PSD3: variants seen among roughly 807,000 people sequenced by gnomAD.
The protein encoded by PSD3 is pleckstrin and Sec7 domain containing 3.
In PSD3, 49 loss-of-function variants were observed where a neutral mutation model predicts 105.5. That is an observed-to-expected ratio of 0.46 (90% confidence interval 0.37 to 0.59). The LOEUF is 0.59. Ranked by LOEUF, PSD3 falls within the 20% of genes least tolerant of loss-of-function variation. The pLI is 0.00. For missense variants in PSD3, 1,561 were observed against 1,263.8 expected, an observed-to-expected ratio of 1.24 and a Z score of -3.57; for synonymous variants, 557 against 457.8, an observed-to-expected ratio of 1.22 and a Z score of -2.77.
intron 1 of PSD3, among the ~76,000 whole-genome samples, chr8:18,961,401 T>C (rs1057369008): frequency 1.3e-5 from 2 of 151,950 alleles, no homozygotes; most frequent in African/African-American, 4.8e-5. Flanking sequence ...AAAATAAATA[T>C]ATGCAGGCTG....
intron 14 of PSD3, among the ~76,000 whole-genome samples, chr8:18,558,699 T>C (rs1313092720): frequency 6.6e-6 from 1 of 152,096 alleles, no homozygotes; most frequent in African/African-American, 2.4e-5. Flanking sequence ...CACGTGCCTG[T>C]AATCCCAGTG....
At chr8:18,953,315 G>A in intron 1 of PSD3, among the ~76,000 whole-genome samples, 1 of 127,574 alleles carries the variant, frequency 7.8e-6, no homozygotes, top group East Asian at 2.2e-4. Context: ...GTGTGTGTAT[G>A]TTGTGTGTGT....
chr8:19,032,188 T>C (rs1827793425), intron 1 of PSD3, among the ~76,000 whole-genome samples: 1 of 152,212 alleles, frequency 6.6e-6, no homozygotes, highest in Non-Finnish European at 1.5e-5. Flanking sequence ...TTATTTTATA[T>C]AAAAGACATA....
intron 15 of PSD3, among the ~76,000 whole-genome samples, chr8:18,547,656 T>C (rs1800526930): frequency 6.6e-6 from 1 of 152,210 alleles, no homozygotes; most frequent in African/African-American, 2.4e-5. Context: ...GGGGCATAAG[T>C]GGCAGGTATG....
intron 2 of PSD3, among the ~76,000 whole-genome samples, chr8:18,874,218 G>A (rs946018971): frequency 2.0e-5 from 3 of 151,954 alleles, no homozygotes; most frequent in Non-Finnish European, 2.9e-5. Flanking sequence ...CTGGAGTGTA[G>A]TGGTACGATC....
chr8:18,595,639 A>G (rs893770158), intron 12 of PSD3, among the ~76,000 whole-genome samples: 2 of 152,118 alleles, frequency 1.3e-5, no homozygotes, highest in African/African-American at 4.8e-5. Context: ...CCATACTTAT[A>G]TTATACAAAA....
chr8:18,857,723 T>C (rs1816128798), intron 4 of PSD3, among the ~76,000 whole-genome samples: 1 of 152,146 alleles, frequency 6.6e-6, no homozygotes, highest in East Asian at 1.9e-4. Context: ...GATTCTAATG[T>C]AGTAGGTCAG....
In PSD3 at chr8:18,527,813, T is replaced by C. The variant is rs1423568986; in HGVS notation, c.*7930A>G. ...AACAGGTTTCCAGTACGTGTTATAGTACCGCCAGCTTACCCAAAACTGCTA... is the reference window on the plus strand; with the variant it reads ...AACAGGTTTCCAGTACGTGTTATAGCACCGCCAGCTTACCCAAAACTGCTA... On this transcript the variant is annotated 3_prime_UTR_variant, in exon 16 of 16. Coordinates refer to ENST00000327040, the MANE Select transcript of PSD3 (RefSeq NM_015310.4). The C allele has an allele frequency of 2.6e-5, 4 of 152,406 alleles. No homozygotes were observed. The highest frequency in any genetic ancestry group is 7.2e-5 in the African/African-American group (3 of 41,440). 9.4% of individuals were successfully genotyped at this position (152,406 alleles called of 1,614,324 possible).
intron 4 of PSD3, among the ~76,000 whole-genome samples, chr8:18,823,773 AACACACTC>A (rs764515861): frequency 0.056 from 7,488 of 134,720 alleles, 239 homozygotes; most frequent in South Asian, 0.16. Flanking sequence ...CTTTATCTTA[AACACACTC>A]ACACACACAC....
chr8:18,714,320 A>T (rs373054428), intron 9 of PSD3, among the ~76,000 whole-genome samples: 173 of 152,284 alleles, frequency 1.1e-3, no homozygotes, highest in African/African-American at 4.0e-3. Flanking sequence ...AGCAAAAGAA[A>T]CTATCATCAC....
intron 1 of PSD3, among the ~76,000 whole-genome samples, chr8:19,077,700 A>G (rs1829503414): frequency 6.6e-6 from 1 of 152,216 alleles, no homozygotes; most frequent in Non-Finnish European, 1.5e-5. Flanking sequence ...TTTAAAAACA[A>G]CATCCTTGAA....
intron 4 of PSD3, among the ~76,000 whole-genome samples, chr8:18,852,253 G>A (rs1249724335): frequency 6.6e-6 from 1 of 152,068 alleles, no homozygotes; most frequent in Non-Finnish European, 1.5e-5. Flanking sequence ...TTATCTACAA[G>A]TGATAGACCA....
At chr8:19,013,253 G>C (rs1827037320) in intron 1 of PSD3, among the ~76,000 whole-genome samples, 1 of 151,762 alleles carries the variant, frequency 6.6e-6, no homozygotes, top group Non-Finnish European at 1.5e-5. Flanking sequence ...AGAAAGATCG[G>C]CATACGAGGT....
upstream of PSD3, among the ~76,000 whole-genome samples, chr8:19,017,733 T>A (rs972988547): frequency 3.9e-5 from 6 of 152,232 alleles, no homozygotes; most frequent in African/African-American, 1.4e-4. Context: ...GTAGCATATA[T>A]CAGAACTTCA....
chr8:18,847,496 AATCCCAGT>A (rs1289843253), intron 4 of PSD3, among the ~76,000 whole-genome samples: 1 of 152,178 alleles, frequency 6.6e-6, no homozygotes, highest in Admixed American at 6.5e-5. Flanking sequence ...TACCTGCTCC[AATCCCAGT>A]ATCCTCGTTG....
At chr8:18,562,683 G>C (rs1287072042) in intron 14 of PSD3, among the ~76,000 whole-genome samples, 1 of 152,140 alleles carries the variant, frequency 6.6e-6, no homozygotes, top group African/African-American at 2.4e-5. Flanking sequence ...AAGGTCAAGA[G>C]TTCGAGACCA....
chr8:18,871,344 A>C (rs1410569108), intron 3 of PSD3, among the ~76,000 whole-genome samples: 1 of 152,196 alleles, frequency 6.6e-6, no homozygotes, highest in African/African-American at 2.4e-5. Flanking sequence ...TGTTAAGAAA[A>C]TGTCAGAAAA....
At chr8:18,933,028 G>A (rs1244681866) in intron 2 of PSD3, among the ~76,000 whole-genome samples, 1 of 152,184 alleles carries the variant, frequency 6.6e-6, no homozygotes, top group Admixed American at 6.5e-5. Flanking sequence ...TTATGAGTAA[G>A]AACCATGTCT....
At chr8:18,582,615 A>T (rs1802889652) in intron 12 of PSD3, among the ~76,000 whole-genome samples, 1 of 152,068 alleles carries the variant, frequency 6.6e-6, no homozygotes, top group African/African-American at 2.4e-5. Flanking sequence ...TTGGCTCCAG[A>T]TCAAAGTATG....
Sources: allele counts gnomAD v4.1 joint callset (sites outside exome capture counted in the v4.1 genomes callset), GRCh38; gene constraint gnomAD v4.1.1; transcripts MANE v1.5; gene names NCBI Gene and HGNC (gene_info 2026-07-23, HGNC 2026-07-21).